The following POLA1 variants were observed in gnomAD, a reference collection of about 807,000 sequenced individuals.
POLA1 encodes DNA polymerase alpha 1, catalytic subunit, also known as DNA polymerase alpha catalytic subunit.
In POLA1, 15 loss-of-function variants were observed where a neutral mutation model predicts 124.0. The observed-to-expected ratio is 0.12, with a 90% CI of 0.08 to 0.19. The LOEUF (loss-of-function observed/expected upper bound fraction) is 0.19, where lower values mean the gene tolerates loss of function less well. Ranked by LOEUF, POLA1 falls within the 10% of genes least tolerant of loss-of-function variation. POLA1 has a pLI of 1.00. For synonymous variants in POLA1, 408 were observed against 389.4 expected (o/e 1.05, Z -0.56); for missense variants, 886 against 1,103.4 (o/e 0.80, Z 2.79).
chrX:24,756,896 C>A (rs905930062), intron 26 of POLA1, among the ~76,000 whole-genome samples: 2 of 111,161 alleles, frequency 1.8e-5, no homozygotes, highest in Non-Finnish European at 3.8e-5. Context: ...CAAACCAGAC[C>A]CATTTAAACT....
At position 24,724,571 on chromosome X, in the gene POLA1, A is replaced by G. The variant is rs55759952; in HGVS notation, c.1317+120A>G. On this transcript the variant is annotated intron_variant, in intron 12 of 36. Coordinates refer to ENST00000379068, the MANE Select transcript of POLA1 (RefSeq NM_001330360.2). ...CTTCTGTGCAGCTATAATTTATTGA[A>G]TGGAAATTTCATAGGTATGAATGTA... The G allele has an allele frequency of 2.8e-3, 1,192 of 431,520 alleles. 24 individuals carry two copies. The East Asian group carries it at 0.044, about 16-fold the overall frequency. The allele number at this position is 431,520 out of a possible 1,213,427, so 35.6% of individuals were successfully genotyped here.
At chrX:24,770,696 C>T (rs1041606817) in intron 26 of POLA1, among the ~76,000 whole-genome samples, 9 of 111,083 alleles carry the variant, frequency 8.1e-5, no homozygotes, top group Admixed American at 2.9e-4. Flanking sequence ...CATCTCTGAC[C>T]AAGAAGGGTG....
chrX:24,858,707 C>T (rs2046678799), intron 34 of POLA1, among the ~76,000 whole-genome samples: 1 of 112,121 alleles, frequency 8.9e-6, no homozygotes, highest in African/African-American at 3.2e-5. Flanking sequence ...CTTCACAGTT[C>T]CTGTGGGAAC....
At chrX:24,972,214 A>G (rs1013750669) in intron 36 of POLA1, among the ~76,000 whole-genome samples, 2 of 111,248 alleles carry the variant, frequency 1.8e-5, no homozygotes, top group Admixed American at 1.9e-4. Context: ...CAGGTGATCC[A>G]CCCTCCTTGG....
At chrX:24,769,691 C>T (rs1425186261) in intron 26 of POLA1, among the ~76,000 whole-genome samples, 1 of 111,376 alleles carries the variant, frequency 9.0e-6, no homozygotes, top group Non-Finnish European at 1.9e-5. Context: ...GATAAATGAA[C>T]TCCTCATTAG....
chrX:24,801,563 A>G, intron 26 of POLA1, among the ~76,000 whole-genome samples: 1 of 111,386 alleles, frequency 9.0e-6, no homozygotes, highest in East Asian at 2.8e-4. Context: ...ACATAGGACT[A>G]GGATATTCAT....
intron 32 of POLA1, among the ~76,000 whole-genome samples, chrX:24,833,612 T>C (rs1226996276): frequency 1.8e-5 from 2 of 111,834 alleles, no homozygotes; most frequent in African/African-American, 3.3e-5. Context: ...CTAACTCACC[T>C]TTTAGAAGGT....
chrX:24,741,567 AGTT>A (rs1351503186), intron 21 of POLA1, 63 bp downstream of exon 21: 45 of 988,233 alleles, frequency 4.6e-5, no homozygotes, highest in Non-Finnish European at 6.4e-5. Flanking sequence ...TGCTTGGGGT[AGTT>A]GTTATATGAT....
intron 34 of POLA1, among the ~76,000 whole-genome samples, chrX:24,870,020 A>T (rs1203913850): frequency 2.7e-5 from 3 of 112,335 alleles, no homozygotes; most frequent in African/African-American, 6.5e-5. Flanking sequence ...TCACTTTAAC[A>T]GTGACTTTAC....
At chrX:24,767,433 A>G (rs957028160) in intron 26 of POLA1, among the ~76,000 whole-genome samples, 3 of 111,775 alleles carry the variant, frequency 2.7e-5, no homozygotes, top group South Asian at 3.7e-4. Flanking sequence ...TCTCCTTTGC[A>G]TGTAAATAGT....
At chrX:24,711,203 C>T (rs1929402607) in intron 4 of POLA1, among the ~76,000 whole-genome samples, 1 of 111,790 alleles carries the variant, frequency 8.9e-6, no homozygotes, top group African/African-American at 3.3e-5. Flanking sequence ...AGGCTGGTCT[C>T]AAACTCCTGG....
intron 36 of POLA1, among the ~76,000 whole-genome samples, chrX:24,980,781 A>G (rs966245682): frequency 9.0e-6 from 1 of 111,656 alleles, no homozygotes; most frequent in African/African-American, 3.3e-5. Context: ...GAAAGATTCA[A>G]GTTGACAGCA....
intron 4 of POLA1, 43 bp from the exon 5 acceptor site, chrX:24,714,511 A>G (rs1406786177): frequency 1.2e-6 from 1 of 823,470 alleles, no homozygotes; most frequent in Admixed American, 2.9e-5. Flanking sequence ...TTCCATTTTG[A>G]TTTTTGCTGA....
chrX:24,923,590 C>A (rs2047648491), intron 35 of POLA1, among the ~76,000 whole-genome samples: 1 of 112,100 alleles, frequency 8.9e-6, no homozygotes, highest in South Asian at 3.7e-4. Context: ...GATGGACATA[C>A]TGAATCAGAT....
At chrX:24,766,662 T>G (rs1239423932) in intron 26 of POLA1, among the ~76,000 whole-genome samples, 1 of 111,676 alleles carries the variant, frequency 9.0e-6, no homozygotes, top group African/African-American at 3.3e-5. Context: ...AGGAACTATG[T>G]GTACTAGTTT....
intron 36 of POLA1, among the ~76,000 whole-genome samples, chrX:24,931,478 G>C (rs2047778687): frequency 8.9e-6 from 1 of 111,799 alleles, no homozygotes; most frequent in Non-Finnish European, 1.9e-5. Context: ...CCATCCACAA[G>C]ATAGGCTAGA....
At chrX:24,764,794 G>T (rs1479841631) in intron 26 of POLA1, among the ~76,000 whole-genome samples, 1 of 111,180 alleles carries the variant, frequency 9.0e-6, no homozygotes, top group Non-Finnish European at 1.9e-5. Flanking sequence ...AAAATATTCG[G>T]ATTAATCCAT....
chrX:24,854,458 C>T (rs1463074800), intron 34 of POLA1, among the ~76,000 whole-genome samples: 6 of 111,863 alleles, frequency 5.4e-5, no homozygotes. Flanking sequence ...CCAATAATAT[C>T]ATCGTAATAT....
Position 24,765,283 on chromosome X carries a change from G to GT in POLA1, c.2964+16299dup, listed in dbSNP as rs1203747868. ...TGTCACCTTCTTGTGTGTGCGTGGTGTTTTTTTTGTTTTTTTTTTTGTTTT... is the reference window on the plus strand; with the variant it reads ...TGTCACCTTCTTGTGTGTGCGTGGTGTTTTTTTTTGTTTTTTTTTTTGTTTT... On this transcript the variant is annotated intron_variant, in intron 26 of 36. Coordinates refer to ENST00000379068, the MANE Select transcript of POLA1 (RefSeq NM_001330360.2). 6.9e-4 allele frequency among the ~76,000 whole-genome samples: 70 copies of GT among 101,808 alleles called. 3 individuals carry two copies. The highest frequency in any genetic ancestry group is 3.9e-3 in the Admixed American group (37 of 9,508). The allele number at this position is 101,808 out of a possible 115,157, so 88.4% of individuals were successfully genotyped here. A position where few individuals can be genotyped will look rare whatever the true frequency, so the allele number is the denominator to read the frequency against.
Sources: gnomAD v4.1 joint callset for allele counts (sites outside exome capture counted in the v4.1 genomes callset) on GRCh38, gnomAD v4.1.1 for gene constraint, MANE v1.5 for transcripts, NCBI Gene and HGNC (gene_info 2026-07-23, HGNC 2026-07-21) for gene names.